The following CSMD1 variants were observed in gnomAD, a reference collection of about 807,000 sequenced individuals.
CSMD1 encodes CUB and sushi domain-containing protein 1.
CSMD1 carries 213 observed loss-of-function variants against 417.5 expected under a neutral mutation model. The ratio of observed to expected loss-of-function variants is 0.51; its 90% CI spans 0.46 to 0.57. The LOEUF (loss-of-function observed/expected upper bound fraction) is 0.57. Ranked by LOEUF, CSMD1 falls within the 20% of genes least tolerant of loss-of-function variation. The pLI is 0.00. For synonymous variants in CSMD1, 2,862 were observed against 1,736.8 expected, an observed-to-expected ratio of 1.65 and a Z score of -16.11; for missense variants, 6,923 against 4,529.7, an observed-to-expected ratio of 1.53 and a Z score of -15.17.
intron 2 of CSMD1, among the ~76,000 whole-genome samples, chr8:4,534,593 TC>T (rs1277059695): frequency 1.3e-5 from 2 of 152,108 alleles, no homozygotes; most frequent in East Asian, 3.9e-4. Context: ...CCTCCCTCTT[TC>T]CCCATTCTAG....
intron 12 of CSMD1, among the ~76,000 whole-genome samples, chr8:3,429,456 A>G (rs145885645): frequency 7.9e-5 from 12 of 152,300 alleles, no homozygotes; most frequent in Middle Eastern, 3.4e-3. Context: ...CCAAAGCAAC[A>G]CTTGTACACA....
intron 10 of CSMD1, among the ~76,000 whole-genome samples, chr8:3,536,081 C>T (rs758421042): frequency 1.3e-5 from 2 of 152,166 alleles, no homozygotes; most frequent in East Asian, 3.9e-4. Context: ...GTAGAGATGT[C>T]CCCAAGTAGC....
At chr8:4,817,267 T>C (rs535953933) in intron 1 of CSMD1, among the ~76,000 whole-genome samples, 324 of 152,358 alleles carry the variant, frequency 2.1e-3, no homozygotes, top group African/African-American at 7.6e-3. Context: ...TTCCCACTAA[T>C]ATGTGTGCCA....
At chr8:4,762,315 G>T (rs1248276161) in intron 1 of CSMD1, among the ~76,000 whole-genome samples, 2 of 151,894 alleles carry the variant, frequency 1.3e-5, no homozygotes, top group Non-Finnish European at 2.9e-5. Context: ...CTGTTTACTG[G>T]TATAACATTT....
rs572870586 is a variant in CSMD1, at chr8:4,378,682, G to A, written c.415+41271C>T. Among the ~76,000 whole-genome samples the A allele has an allele frequency of 2.8e-4, 42 of 152,290 alleles. No individual in the cohort carries two copies. The South Asian group carries it at 8.7e-3, about 32-fold the overall frequency. On this transcript the variant is annotated intron_variant, in intron 3 of 69. Coordinates refer to ENST00000635120, the MANE Select transcript of CSMD1 (RefSeq NM_033225.6). ...GTTTAATCATCCCCTTCCTGTCCCT[G>A]CTCAAATGTTGAAACCTAATATTCA... is the stretch of plus-strand genomic sequence containing the variant.
At chr8:4,419,814 G>C in intron 3 of CSMD1, 139 bp downstream of exon 3, 1 of 564,258 alleles carries the variant, frequency 1.8e-6, no homozygotes, top group Non-Finnish European at 3.3e-6. Flanking sequence ...AAATGCCATT[G>C]CATTACACAG....
chr8:3,722,119 G>A (rs1802213746), intron 6 of CSMD1, among the ~76,000 whole-genome samples: 1 of 152,114 alleles, frequency 6.6e-6, no homozygotes, highest in South Asian at 2.1e-4. Context: ...GAGGCAGGTG[G>A]ATCACTTGAG....
chr8:3,852,155 T>TG (rs1803954858), intron 5 of CSMD1, among the ~76,000 whole-genome samples: 1 of 152,160 alleles, frequency 6.6e-6, no homozygotes, highest in African/African-American at 2.4e-5. Context: ...TAAGAATACT[T>TG]GATTCTACAA....
chr8:4,002,293 T>G (rs1815750101), intron 4 of CSMD1, among the ~76,000 whole-genome samples: 1 of 152,164 alleles, frequency 6.6e-6, no homozygotes, highest in Non-Finnish European at 1.5e-5. Context: ...TATAGTGCTG[T>G]AAGTACTTCT....
intron 46 of CSMD1, among the ~76,000 whole-genome samples, chr8:3,104,832 T>A (rs891822428): frequency 6.6e-6 from 1 of 151,648 alleles, no homozygotes; most frequent in African/African-American, 2.4e-5. Context: ...CTCAGCCACC[T>A]GAGTAGCTGG....
chr8:4,307,862 A>AC (rs1356163901), intron 3 of CSMD1, among the ~76,000 whole-genome samples: 1 of 152,174 alleles, frequency 6.6e-6, no homozygotes, highest in East Asian at 1.9e-4. Context: ...AGAAATCTTC[A>AC]CTGAGCAAGA....
chr8:4,814,592 A>T (rs2897704), intron 1 of CSMD1, among the ~76,000 whole-genome samples: 9,974 of 152,212 alleles, frequency 0.066, 549 homozygotes, highest in East Asian at 0.24. Flanking sequence ...TTAATTAGGC[A>T]AATAATAAAG....
intron 25 of CSMD1, among the ~76,000 whole-genome samples, chr8:3,299,494 C>G (rs915746330): frequency 3.3e-5 from 5 of 152,102 alleles, no homozygotes; most frequent in African/African-American, 9.7e-5. Context: ...CTAAGGAACT[C>G]TGTGATATCA....
chr8:3,733,357 A>G (rs573135768), intron 6 of CSMD1, among the ~76,000 whole-genome samples: 4 of 147,958 alleles, frequency 2.7e-5, no homozygotes, highest in Admixed American at 6.8e-5. Context: ...TATTATATAT[A>G]TAATATATAT....
intron 2 of CSMD1, among the ~76,000 whole-genome samples, chr8:4,462,905 G>C (rs373353077): frequency 1.3e-5 from 2 of 152,212 alleles, no homozygotes; most frequent in East Asian, 3.9e-4. Flanking sequence ...CTGATGTTAA[G>C]CAAAGTCTTC....
intron 1 of CSMD1, among the ~76,000 whole-genome samples, chr8:4,859,474 A>G (rs1453679024): frequency 2.0e-5 from 3 of 152,190 alleles, no homozygotes; most frequent in Admixed American, 6.5e-5. Flanking sequence ...TGAACAGGCA[A>G]CCTACACAAT....
chr8:4,063,852 G>A (rs981681355), intron 3 of CSMD1, among the ~76,000 whole-genome samples: 1 of 152,230 alleles, frequency 6.6e-6, no homozygotes, highest in Admixed American at 6.5e-5. Flanking sequence ...AGTAGACTAT[G>A]ACTTTGTCAC....
chr8:4,411,989 G>GGGGTGT (rs150562714), intron 3 of CSMD1, among the ~76,000 whole-genome samples: 23 of 148,942 alleles, frequency 1.5e-4, no homozygotes, highest in African/African-American at 5.2e-4. Context: ...CATAGCTAAG[G>GGGGTGT]GTGTGTGTGT....
At chr8:4,247,681 T>A (rs939981559) in intron 3 of CSMD1, among the ~76,000 whole-genome samples, 3 of 152,170 alleles carry the variant, frequency 2.0e-5, no homozygotes, top group African/African-American at 7.2e-5. Context: ...TTGTAATGTA[T>A]GAGCTTCTGC....
Sources: allele counts gnomAD v4.1 joint callset (sites outside exome capture counted in the v4.1 genomes callset), GRCh38; gene constraint gnomAD v4.1.1; transcripts MANE v1.5; gene names NCBI Gene and HGNC (gene_info 2026-07-23, HGNC 2026-07-21).